Variants in TTC28 observed in about 807,000 individuals in gnomAD.
TTC28 encodes the protein tetratricopeptide repeat protein 28.
A neutral mutation model predicts 198.0 loss-of-function variants in TTC28; 61 were observed. That is an observed-to-expected ratio of 0.31 (90% CI 0.25 to 0.38). TTC28 has a LOEUF of 0.38. Among genes scored for constraint, TTC28 ranks in the 10% least tolerant of loss-of-function variants. The pLI, the probability that TTC28 is intolerant of heterozygous loss-of-function variation, is 1.00. For synonymous variants in TTC28, 1,171 were observed against 1,297.8 expected (o/e 0.90, Z 2.10); for missense variants, 2,678 against 3,164.0 (o/e 0.85, Z 3.69).
At chr22:28,152,005 C>T (rs781710016) in intron 6 of TTC28, among the ~76,000 whole-genome samples, 16 of 152,112 alleles carry the variant, frequency 1.1e-4, no homozygotes, top group Non-Finnish European at 1.0e-4. Flanking sequence ...TCAGAGGGGG[C>T]CCGCAGGCTG....
At chr22:28,088,735 A>C (rs1481870335) in intron 12 of TTC28, among the ~76,000 whole-genome samples, 1 of 152,210 alleles carries the variant, frequency 6.6e-6, no homozygotes. Context: ...CAACCTACAA[A>C]ATGGGAAAAC....
chr22:28,015,672 C>T (rs561929623), intron 13 of TTC28, among the ~76,000 whole-genome samples: 2 of 152,110 alleles, frequency 1.3e-5, no homozygotes, highest in East Asian at 3.9e-4. Flanking sequence ...GCAATCCTCC[C>T]ACCTTGGCCT....
At chr22:28,537,417 C>T (rs1008489631) in intron 2 of TTC28, among the ~76,000 whole-genome samples, 14 of 151,560 alleles carry the variant, frequency 9.2e-5, no homozygotes, top group African/African-American at 2.4e-4. Flanking sequence ...ATTTAGAATA[C>T]GATATTGTTT....
intron 2 of TTC28, among the ~76,000 whole-genome samples, chr22:28,498,320 T>C (rs1214590735): frequency 1.3e-5 from 2 of 152,192 alleles, no homozygotes; most frequent in Admixed American, 6.5e-5. Context: ...CAAATGCAGT[T>C]CACTTTGTTT....
In TTC28 at chr22:27,999,238, G is replaced by C. The variant is rs1201174525; in HGVS notation, c.4421C>G (p.Pro1474Arg). The part of the protein sequence containing the change: ...QSKSHLRKNP[P>R]TYSSSTSMAA... ...CATGGATGTGGAGCTGGAGTATGTGGGCGGGTTCTTCCGTAAGTGAGACTA... is the reference window on the plus strand; with the variant it reads ...CATGGATGTGGAGCTGGAGTATGTGCGCGGGTTCTTCCGTAAGTGAGACTA... Residue 1474 changes from proline to arginine, a missense_variant, in exon 16 of 23, where the codon CCC (proline) becomes CGC (arginine). Pro to Arg is a moderately radical substitution (Grantham distance 103, BLOSUM62 -2). This residue lies in a region of TTC28 where 727 missense variants were observed against 861.9 expected (regional missense o/e 0.84). Transcript: ENST00000397906. 1 of 1,550,562 alleles carries C rather than the reference G, an allele frequency of 6.4e-7. No homozygotes were observed. The highest frequency in any genetic ancestry group is 8.7e-7 in the Non-Finnish European group (1 of 1,146,634).
chr22:28,326,975 A>ACACACAC (rs2045541028), intron 2 of TTC28, among the ~76,000 whole-genome samples: 1 of 142,842 alleles, frequency 7.0e-6, no homozygotes, highest in African/African-American at 2.7e-5. Flanking sequence ...CACAAACACA[A>ACACACAC]ACACACACAC....
chr22:28,012,759 G>C (rs529722908), intron 14 of TTC28, among the ~76,000 whole-genome samples: 1 of 152,218 alleles, frequency 6.6e-6, no homozygotes, highest in South Asian at 2.1e-4. Flanking sequence ...TGATCTGCCC[G>C]GCTCGGCCTC....
At chr22:28,268,439 C>G (rs542339623) in intron 5 of TTC28, among the ~76,000 whole-genome samples, 1 of 152,272 alleles carries the variant, frequency 6.6e-6, no homozygotes, top group Admixed American at 6.5e-5. Context: ...CACTGAAAAA[C>G]ATCCTTGAAG....
At chr22:28,397,696 T>C (rs2046839334) in intron 2 of TTC28, among the ~76,000 whole-genome samples, 1 of 152,214 alleles carries the variant, frequency 6.6e-6, no homozygotes, top group Non-Finnish European at 1.5e-5. Flanking sequence ...TTAGAAAATG[T>C]GCCACAAACA....
chr22:28,621,549 TA>T (rs570245855), intron 2 of TTC28, among the ~76,000 whole-genome samples: 14 of 146,586 alleles, frequency 9.6e-5, no homozygotes, highest in Non-Finnish European at 9.0e-5. Context: ...ACCCTACCAC[TA>T]AAAAAAAATA....
At chr22:28,233,769 G>GTCTTTTTTGTTTTTGTTT (rs1929001059) in intron 5 of TTC28, among the ~76,000 whole-genome samples, 1 of 152,136 alleles carries the variant, frequency 6.6e-6, no homozygotes, top group African/African-American at 2.4e-5. Context: ...TTTGGAGATG[G>GTCTTTTTTGTTTTTGTTT]AGTCTCATTC....
At chr22:28,251,435 A>G (rs738398) in intron 5 of TTC28, among the ~76,000 whole-genome samples, 8,402 of 152,280 alleles carry the variant, frequency 0.055, 344 homozygotes, top group Admixed American at 0.13. Context: ...AAAAACCTAA[A>G]GTATTTATCA....
intron 12 of TTC28, among the ~76,000 whole-genome samples, chr22:28,060,603 T>G (rs1448381055): frequency 1.3e-5 from 2 of 152,248 alleles, no homozygotes; most frequent in African/African-American, 2.4e-5. Flanking sequence ...ATCCTTTGGG[T>G]ATATACCCAG....
chr22:28,335,985 T>C (rs1488772188), intron 2 of TTC28, among the ~76,000 whole-genome samples: 6 of 152,190 alleles, frequency 3.9e-5, no homozygotes, highest in Admixed American at 3.3e-4. Flanking sequence ...TTGTCATAGA[T>C]AGCTCTTATT....
chr22:28,538,117 G>A (rs996702175), intron 2 of TTC28, among the ~76,000 whole-genome samples: 1 of 152,010 alleles, frequency 6.6e-6, no homozygotes, highest in African/African-American at 2.4e-5. Context: ...AGAGTGCCTC[G>A]CTCTGTTGCC....
At chr22:28,100,174 C>T (rs993119235) in intron 9 of TTC28, among the ~76,000 whole-genome samples, 2 of 152,186 alleles carry the variant, frequency 1.3e-5, no homozygotes, top group Non-Finnish European at 2.9e-5. Flanking sequence ...TCTAAGACTA[C>T]TTGCTTCTCG....
At chr22:28,259,236 T>C (rs562845803) in intron 5 of TTC28, among the ~76,000 whole-genome samples, 2 of 152,292 alleles carry the variant, frequency 1.3e-5, no homozygotes, top group South Asian at 2.1e-4. Context: ...TTGAACCTTG[T>C]TGATCTTTGT....
rs140551573 is a variant in TTC28, at chr22:28,046,952, A to G, written c.3933-16586T>C. Among the ~76,000 whole-genome samples, 46 of 152,300 alleles carry G rather than the reference A, an allele frequency of 3.0e-4. No homozygotes were observed. The East Asian group carries it at 6.8e-3, about 22-fold the overall frequency. ...CTCTGCCTCACCTCCCCATGTCCAGATGCACATAGGAAATGGCTTTGAGAA... is the reference window on the plus strand; with the variant it reads ...CTCTGCCTCACCTCCCCATGTCCAGGTGCACATAGGAAATGGCTTTGAGAA... On this transcript the variant is annotated intron_variant, in intron 12 of 22. Coordinates refer to ENST00000397906, the MANE Select transcript of TTC28 (RefSeq NM_001145418.2).
At chr22:28,627,034 G>C (rs1193292729) in intron 2 of TTC28, among the ~76,000 whole-genome samples, 1 of 152,002 alleles carries the variant, frequency 6.6e-6, no homozygotes, top group East Asian at 1.9e-4. Flanking sequence ...GATCAAAAAA[G>C]GACAAGAATT....
Sources: gnomAD v4.1 joint callset for allele counts (sites outside exome capture counted in the v4.1 genomes callset) on GRCh38, gnomAD v4.1.1 for gene constraint, gnomAD v4.1.1 regional missense constraint, MANE v1.5 for transcripts, NCBI Gene and HGNC (gene_info 2026-07-23, HGNC 2026-07-21) for gene names.